The following ZCCHC2 variants were observed in gnomAD, a reference collection of about 807,000 sequenced individuals.
ZCCHC2 encodes zinc finger CCHC domain-containing protein 2.
A neutral mutation model predicts 103.6 loss-of-function variants in ZCCHC2; 39 were observed. That is an observed-to-expected ratio of 0.38 (90% CI 0.29 to 0.49). The LOEUF is 0.49. Ranked by LOEUF, ZCCHC2 falls within the 20% of genes least tolerant of loss-of-function variation. The pLI is 0.96. For missense variants in ZCCHC2, 1,483 were observed against 1,491.0 expected, an observed-to-expected ratio of 0.99 and a Z score of 0.09; for synonymous variants, 687 against 608.9, an observed-to-expected ratio of 1.13 and a Z score of -1.89.
chr18:62,576,374 C>T lies in ZCCHC2; in HGVS notation c.3470-138C>T, dbSNP rs528025821. On this transcript the variant is annotated intron_variant, in intron 13 of 13. Coordinates refer to ENST00000269499, the MANE Select transcript of ZCCHC2 (RefSeq NM_017742.6). ...ACTTTACATTGCTTTTTAAAGTGAG[C>T]GGATTGGCCATTTGGAGTGGCACTA... is the stretch of plus-strand genomic sequence containing the variant. 1.7e-4 allele frequency: 107 copies of T among 625,928 alleles called. 1 individual carries two copies. In the African/African-American group the frequency reaches 1.7e-3, roughly 10 times the overall value. The allele number at this position is 625,928 out of a possible 1,614,324, so 38.8% of individuals were successfully genotyped here.
intron 9 of ZCCHC2, 150 bp downstream of exon 9, chr18:62,563,294 C>A: frequency 1.1e-6 from 1 of 910,564 alleles, no homozygotes; most frequent in Non-Finnish European, 1.6e-6. Flanking sequence ...TATATATGAT[C>A]TAAGCTCTTC....
intron 6 of ZCCHC2, among the ~76,000 whole-genome samples, chr18:62,557,425 A>G (rs1325353813): frequency 6.6e-6 from 1 of 152,232 alleles, no homozygotes; most frequent in African/African-American, 2.4e-5. Flanking sequence ...GAGGTGCAAG[A>G]ATAGTATGAT....
At chr18:62,553,969 G>A (rs1363346638) in intron 5 of ZCCHC2, among the ~76,000 whole-genome samples, 1 of 152,124 alleles carries the variant, frequency 6.6e-6, no homozygotes, top group Non-Finnish European at 1.5e-5. Flanking sequence ...TGGTTTCAGG[G>A]TTTTGTGTCA....
intron 4 of ZCCHC2, among the ~76,000 whole-genome samples, chr18:62,547,789 T>C (rs1261702877): frequency 6.6e-6 from 1 of 152,162 alleles, no homozygotes; most frequent in African/African-American, 2.4e-5. Flanking sequence ...CTTGAACTCC[T>C]GAGATCAAAC....
intron 4 of ZCCHC2, among the ~76,000 whole-genome samples, chr18:62,546,966 A>G (rs1053622924): frequency 3.9e-5 from 6 of 152,178 alleles, no homozygotes; most frequent in African/African-American, 1.2e-4. Flanking sequence ...TGCCTATTGT[A>G]TGATACTTTT....
chr18:62,523,294 G>T lies in ZCCHC2; in HGVS notation c.-131G>T, dbSNP rs543903260. On this transcript the variant is annotated 5_prime_UTR_variant, in exon 1 of 14. Coordinates refer to ENST00000269499, the MANE Select transcript of ZCCHC2 (RefSeq NM_017742.6). ...CCCTCGCCGGCCGAGACCCGCCCCC[G>T]GCCCCGGCCCTCCCCCGGCGGCATG... 12 of 329,004 alleles carry T rather than the reference G, an allele frequency of 3.6e-5. No homozygotes were observed. In the East Asian group the frequency reaches 1.0e-3, roughly 27 times the overall value. 20.4% of individuals were successfully genotyped at this position (329,004 alleles called of 1,614,324 possible).
In ZCCHC2 at chr18:62,577,804, C is replaced by T. The variant is rs1346077533; in HGVS notation, c.*1225C>T. On this transcript the variant is annotated 3_prime_UTR_variant, in exon 14 of 14. Coordinates refer to ENST00000269499, the MANE Select transcript of ZCCHC2 (RefSeq NM_017742.6). The stretch of plus-strand genomic sequence containing the variant: ...GCCAATCTATGTACTAAATTGCTTC[C>T]AGGTAATTTTTGATTTCCTAAAGTG... The T allele has an allele frequency of 2.6e-5, 4 of 152,114 alleles. No homozygotes were observed. Among genetic ancestry groups the T allele is most frequent in the African/African-American group, 9.7e-5 (4 of 41,250 alleles). The allele number at this position is 152,114 out of a possible 1,614,324, so 9.4% of individuals were successfully genotyped here. A position where few individuals can be genotyped will look rare whatever the true frequency, so the allele number is the denominator to read the frequency against.
chr18:62,573,788 T>C (rs527411022), intron 12 of ZCCHC2, among the ~76,000 whole-genome samples: 2 of 152,350 alleles, frequency 1.3e-5, no homozygotes, highest in East Asian at 3.9e-4. Flanking sequence ...CATAAATCTC[T>C]TTGTTTTATA....
intron 11 of ZCCHC2, among the ~76,000 whole-genome samples, chr18:62,567,956 A>AAAAAAAAAAAAAAAAAAAAAAAAAT (rs1916443545): frequency 6.7e-6 from 1 of 150,276 alleles, no homozygotes; most frequent in African/African-American, 2.5e-5. Context: ...AAAAAAAAAA[A>AAAAAAAAAAAAAAAAAAAAAAAAAT]AAAGAATGCT....
rs542352987 is a variant in ZCCHC2 at position 62,577,043 on chromosome 18, C to T, written c.*464C>T. On this transcript the variant is annotated 3_prime_UTR_variant, in exon 14 of 14. Coordinates refer to ENST00000269499, the MANE Select transcript of ZCCHC2 (RefSeq NM_017742.6). ...TCCCCAGCCAGCCTCACTCTGTCTC[C>T]GGCCCGCAGCAGGAGCAGCCAGCAG... 1.7e-4 allele frequency: 27 copies of T among 158,946 alleles called. No individual in the cohort carries two copies. The South Asian group carries it at 2.2e-3, about 13-fold the overall frequency. The allele number at this position is 158,946 out of a possible 1,614,324, so 9.8% of individuals were successfully genotyped here.
chr18:62,545,343 T>C (rs1460909083), intron 4 of ZCCHC2, among the ~76,000 whole-genome samples: 1 of 152,176 alleles, frequency 6.6e-6, no homozygotes, highest in Non-Finnish European at 1.5e-5. Context: ...GGCTTGCTTC[T>C]GCTTGGTGGG....
chr18:62,562,688 C>T (rs535033998), intron 8 of ZCCHC2, among the ~76,000 whole-genome samples: 202 of 152,290 alleles, frequency 1.3e-3, no homozygotes, highest in Non-Finnish European at 1.6e-3. Flanking sequence ...CTTAAGTGCT[C>T]ATGACAGCAG....
chr18:62,533,872 C>CAAAAAA (rs35039729), intron 1 of ZCCHC2, among the ~76,000 whole-genome samples: 2 of 99,526 alleles, frequency 2.0e-5, no homozygotes, highest in East Asian at 2.7e-4. Context: ...AACTCTGCCT[C>CAAAAAA]AAAAAAAAAA....
chr18:62,535,189 T>A (rs1914868217), intron 1 of ZCCHC2, among the ~76,000 whole-genome samples: 1 of 152,224 alleles, frequency 6.6e-6, no homozygotes. Context: ...TCTAGATCCT[T>A]GTGCACTCAT....
chr18:62,553,046 T>C (rs1915731543), intron 5 of ZCCHC2, among the ~76,000 whole-genome samples: 1 of 152,110 alleles, frequency 6.6e-6, no homozygotes, highest in Non-Finnish European at 1.5e-5. Flanking sequence ...TTTTGAAGAA[T>C]GCAGAGGTGT....
chr18:62,549,354 C>G (rs1915565665), intron 4 of ZCCHC2, among the ~76,000 whole-genome samples: 1 of 152,258 alleles, frequency 6.6e-6, no homozygotes, highest in Admixed American at 6.5e-5. Flanking sequence ...CTTGATCTTG[C>G]AATCTACTGT....
chr18:62,528,822 A>G (rs1264316337), intron 1 of ZCCHC2, among the ~76,000 whole-genome samples: 1 of 152,018 alleles, frequency 6.6e-6, no homozygotes, highest in Non-Finnish European at 1.5e-5. Flanking sequence ...TGAGAAGGAA[A>G]AGGTTGATTG....
At chr18:62,525,294 A>G (rs148765001) in intron 1 of ZCCHC2, 1 of 152,166 alleles carries the variant, frequency 6.6e-6, no homozygotes, top group Non-Finnish European at 1.5e-5. Context: ...CAATTTAATG[A>G]TAATTAGGGT....
chr18:62,539,976 G>A (rs560681815), intron 2 of ZCCHC2, among the ~76,000 whole-genome samples, 184 bp downstream of exon 2: 3 of 152,194 alleles, frequency 2.0e-5, no homozygotes, highest in East Asian at 3.9e-4. Flanking sequence ...TGTTTCCTGC[G>A]CCACAGCCCT....
Sources: allele counts gnomAD v4.1 joint callset (sites outside exome capture counted in the v4.1 genomes callset), GRCh38; gene constraint gnomAD v4.1.1; transcripts MANE v1.5; gene names NCBI Gene and HGNC (gene_info 2026-07-23, HGNC 2026-07-21).